The following ZNF136 variants were observed in gnomAD, a reference collection of about 807,000 sequenced individuals.
The protein encoded by ZNF136 is zinc finger protein 136.
A neutral mutation model predicts 11.4 loss-of-function variants in ZNF136; 8 were observed. That is an observed-to-expected ratio of 0.70 (90% CI 0.41 to 1.27). The LOEUF is 1.27. Ranked by LOEUF, ZNF136 falls within the 50% of genes most tolerant of loss-of-function variation. ZNF136 has a pLI of 0.01. For missense variants in ZNF136, 590 were observed against 656.5 expected (o/e 0.90, Z 1.11); for synonymous variants, 190 against 207.1 (o/e 0.92, Z 0.71).
chr19:12,185,624 G>C, intron 1 of ZNF136, 161 bp from the exon 2 acceptor site: 1 of 840,890 alleles, frequency 1.2e-6, no homozygotes, highest in Non-Finnish European at 1.8e-6. Context: ...TTCCATTCTA[G>C]TATGAGAGTT....
chr19:12,182,681 C>T (rs921453846), intron 1 of ZNF136, among the ~76,000 whole-genome samples: 2 of 152,094 alleles, frequency 1.3e-5, no homozygotes, highest in Non-Finnish European at 2.9e-5. Context: ...AAAAATGATC[C>T]CAAAAGACAA....
chr19:12,189,436 A>C lies in ZNF136; in HGVS notation c.*1435A>C, dbSNP rs894834748. The C allele has an allele frequency of 2.0e-5, 3 of 151,772 alleles. No individual in the cohort carries two copies. The highest frequency in any genetic ancestry group is 2.9e-5 in the Non-Finnish European group (2 of 68,044). The allele number at this position is 151,772 out of a possible 1,614,324, so 9.4% of individuals were successfully genotyped here. A position where few individuals can be genotyped will look rare whatever the true frequency, so the allele number is the denominator to read the frequency against. Reference sequence around the variant, plus strand: ...AGTGGCATGATCTCGGCTCATTGCAACCTCTGCCTTCTGGGTTCAAGTGAT... The same window carrying C: ...AGTGGCATGATCTCGGCTCATTGCACCCTCTGCCTTCTGGGTTCAAGTGAT... On this transcript the variant is annotated 3_prime_UTR_variant, in exon 4 of 4. Transcript: ENST00000343979.
rs1232061801 is a variant in ZNF136 at position 12,186,755 on chromosome 19, GAC to G, written c.379_380del (p.His127Ter). The stretch of plus-strand genomic sequence containing the variant: ...AATAGACACATCAAAGATCACAGTG[GAC>G]ATGAACCAAAGGAATATCAGGAATA... On this transcript the variant is annotated frameshift_variant, in exon 4 of 4. Transcript: ENST00000343979. LOFTEE classifies it low-confidence loss of function (END_TRUNC). The G allele has an allele frequency of 6.2e-7, 1 of 1,613,998 alleles. No homozygotes were observed. Among genetic ancestry groups the G allele is most frequent in the Non-Finnish European group, 8.5e-7 (1 of 1,180,020 alleles).
intron 1 of ZNF136, among the ~76,000 whole-genome samples, chr19:12,181,721 G>A (rs532081432): frequency 1.3e-5 from 2 of 151,922 alleles, no homozygotes; most frequent in African/African-American, 2.4e-5. Context: ...TGCAAGCTCC[G>A]CCTCCCGGGT....
chr19:12,166,671 A>G (rs1977190981), intron 1 of ZNF136, among the ~76,000 whole-genome samples: 1 of 152,196 alleles, frequency 6.6e-6, no homozygotes, highest in South Asian at 2.1e-4. Context: ...TATCATAGAA[A>G]TAGTAGTTAA....
At chr19:12,164,119 A>G (rs1470933660) in intron 1 of ZNF136, among the ~76,000 whole-genome samples, 1 of 152,124 alleles carries the variant, frequency 6.6e-6, no homozygotes, top group Non-Finnish European at 1.5e-5. Context: ...GGCTGGGAGA[A>G]TGCCCTGGGA....
At chr19:12,177,420 A>G (rs879697027) in intron 1 of ZNF136, among the ~76,000 whole-genome samples, 3 of 152,106 alleles carry the variant, frequency 2.0e-5, no homozygotes, top group Non-Finnish European at 2.9e-5. Context: ...TCGGCTCACT[A>G]CAACCTCTAC....
chr19:12,171,412 A>C (rs1216445992), intron 1 of ZNF136, among the ~76,000 whole-genome samples: 1 of 152,192 alleles, frequency 6.6e-6, no homozygotes, highest in Admixed American at 6.5e-5. Flanking sequence ...ACTCCTTATA[A>C]GTAGTTCTCT....
intron 1 of ZNF136, among the ~76,000 whole-genome samples, chr19:12,183,548 A>AATCTATCTATCTATCT (rs57826139): frequency 4.1e-5 from 6 of 145,530 alleles, no homozygotes; most frequent in South Asian, 4.5e-4. Flanking sequence ...CACATAACTG[A>AATCTATCTATCTATCT]ATCTATCTAT....
rs139196913 is a variant in ZNF136, at chr19:12,179,539, G to T, written c.4-6246G>T. Among the ~76,000 whole-genome samples the T allele has an allele frequency of 9.5e-3, 1,452 of 152,208 alleles. 14 individuals carry two copies. The highest frequency in any genetic ancestry group is 0.03 in the African/African-American group (1,251 of 41,522). On this transcript the variant is annotated intron_variant, in intron 1 of 3. Coordinates refer to ENST00000343979, the MANE Select transcript of ZNF136 (RefSeq NM_003437.5). ...TTGGCCAGGGTGGTCTCGATCTCCTGACCTCAGGTGGTCTGCCAGCCTCGG... is the reference window on the plus strand; with the variant it reads ...TTGGCCAGGGTGGTCTCGATCTCCTTACCTCAGGTGGTCTGCCAGCCTCGG...
In ZNF136 at chr19:12,187,732, C is replaced by A; in HGVS notation, c.1354C>A (p.Gln452Lys). ...HTGEKPYECKQCGKAFSYLNS... is the reference protein window; with the variant it reads ...HTGEKPYECKKCGKAFSYLNS... ...TGGAGAGAAACCCTATGAGTGTAAG[C>A]AATGTGGGAAAGCCTTCAGTTATCT... Residue 452 changes from glutamine (Q) to lysine (K), a missense_variant, in exon 4 of 4, where the codon CAA becomes AAA. Physicochemically the swap from Gln to Lys is moderately conservative, Grantham distance 53. Transcript: ENST00000343979. 1 of 1,613,736 alleles carries A rather than the reference C, an allele frequency of 6.2e-7. No individual in the cohort carries two copies. Among genetic ancestry groups the A allele is most frequent in the Non-Finnish European group, 8.5e-7 (1 of 1,179,930 alleles).
At chr19:12,183,238 C>T (rs765910132) in intron 1 of ZNF136, among the ~76,000 whole-genome samples, 9 of 151,976 alleles carry the variant, frequency 5.9e-5, no homozygotes, top group Middle Eastern at 6.8e-3. Context: ...TCCACCTCCC[C>T]GGTTCAAGCA....
chr19:12,172,324 C>T (rs146262663), intron 1 of ZNF136, among the ~76,000 whole-genome samples: 2 of 152,272 alleles, frequency 1.3e-5, no homozygotes, highest in East Asian at 3.9e-4. Context: ...AACTTTATCC[C>T]TGTCCTGGTG....
intron 1 of ZNF136, among the ~76,000 whole-genome samples, chr19:12,168,002 A>G (rs552997515): frequency 6.6e-6 from 1 of 151,062 alleles, no homozygotes; most frequent in Non-Finnish European, 1.5e-5. Flanking sequence ...GCCTTTTTTT[A>G]AAAAATAAAG....
At chr19:12,179,400 T>C (rs1914885190) in intron 1 of ZNF136, among the ~76,000 whole-genome samples, 1 of 151,790 alleles carries the variant, frequency 6.6e-6, no homozygotes, top group Non-Finnish European at 1.5e-5. Flanking sequence ...AACCTCTGCC[T>C]TCCAGGTTCA....
Position 12,187,549 on chromosome 19 carries a change from C to A in ZNF136, c.1171C>A (p.Pro391Thr). Residue 391 changes from proline to threonine, a missense_variant, in exon 4 of 4, where the codon CCT becomes ACT. Physicochemically the swap from Pro to Thr is conservative, Grantham distance 38. Coordinates refer to ENST00000343979, the MANE Select transcript of ZNF136 (RefSeq NM_003437.5). ...RHMIKHTGEG[P>T]YKCKVCGKPF... ...CATGATAAAACATACTGGAGAAGGA[C>A]CTTATAAATGTAAGGTATGTGGGAA... The A allele has an allele frequency of 6.2e-7, 1 of 1,613,928 alleles. No homozygotes were observed. The highest frequency in any genetic ancestry group is 2.2e-5 in the East Asian group (1 of 44,848).
chr19:12,188,259 T>C lies in ZNF136; in HGVS notation c.*258T>C, dbSNP rs868494162. 8 of 325,908 alleles carry C rather than the reference T, an allele frequency of 2.5e-5. No individual in the cohort carries two copies. The highest frequency in any genetic ancestry group is 4.5e-5 in the Non-Finnish European group (8 of 179,574). 20.2% of individuals were successfully genotyped at this position (325,908 alleles called of 1,614,324 possible). A position where few individuals can be genotyped will look rare whatever the true frequency, so the allele number is the denominator to read the frequency against. ...AGGAACCCATATTTGAGAGAAACCC[T>C]GGGTAAAGGGTGTAGGAAAGGTTTT... On this transcript the variant is annotated 3_prime_UTR_variant, in exon 4 of 4. Coordinates refer to ENST00000343979, the MANE Select transcript of ZNF136 (RefSeq NM_003437.5).
At chr19:12,183,122 A>G (rs1914985358) in intron 1 of ZNF136, among the ~76,000 whole-genome samples, 1 of 150,488 alleles carries the variant, frequency 6.6e-6, no homozygotes, top group Non-Finnish European at 1.5e-5. Context: ...CTTTTTTGTG[A>G]TTTTGTTGTT....
At chr19:12,179,009 AAAG>A (rs1434337726) in intron 1 of ZNF136, among the ~76,000 whole-genome samples, 1 of 151,714 alleles carries the variant, frequency 6.6e-6, no homozygotes. Context: ...AAAAAGAAAG[AAAG>A]AAAAAAAAAA....
Sources: gnomAD v4.1 joint callset for allele counts (sites outside exome capture counted in the v4.1 genomes callset) on GRCh38, gnomAD v4.1.1 for gene constraint, MANE v1.5 for transcripts, NCBI Gene and HGNC (gene_info 2026-07-23, HGNC 2026-07-21) for gene names.